Variants in DPY30 observed in about 807,000 individuals in gnomAD.
The protein encoded by DPY30 is protein dpy-30 homolog.
Under a neutral mutation model 16.2 loss-of-function variants are expected in DPY30, and 6 were observed. The observed-to-expected ratio is 0.37, with a 90% confidence interval of 0.20 to 0.73. The LOEUF is 0.73. DPY30 is among the 30% of genes least tolerant of loss of function. DPY30 has a pLI of 0.51. For synonymous variants in DPY30, 39 were observed against 38.8 expected, an observed-to-expected ratio of 1.00 and a Z score of -0.02; for missense variants, 73 against 113.1, an observed-to-expected ratio of 0.65 and a Z score of 1.61.
chr2:32,012,679 C>G (rs1184784951), intron 5 of DPY30, among the ~76,000 whole-genome samples: 1 of 152,012 alleles, frequency 6.6e-6, no homozygotes, highest in African/African-American at 2.4e-5. Flanking sequence ...CTCAGGTGAT[C>G]CACCGGCCTC....
chr2:32,022,346 A>G (rs751983101), downstream of DPY30, among the ~76,000 whole-genome samples: 5 of 152,138 alleles, frequency 3.3e-5, no homozygotes, highest in Non-Finnish European at 1.5e-5. Flanking sequence ...ACTACTATAT[A>G]AGAAGATCCC....
intron 3 of DPY30, among the ~76,000 whole-genome samples, chr2:32,038,135 CTTTTTTTTTT>C (rs35016868): frequency 1.9e-5 from 2 of 108,058 alleles, no homozygotes; most frequent in African/African-American, 6.8e-5. Flanking sequence ...CATTTTCTTT[CTTTTTTTTTT>C]TTTTTTTTTG....
chr2:32,025,180 T>G (rs970803828), intron 4 of DPY30, among the ~76,000 whole-genome samples: 13 of 152,150 alleles, frequency 8.5e-5, no homozygotes, highest in Admixed American at 6.6e-4. Flanking sequence ...AAAAATGTAT[T>G]TGGGGCCAGG....
intron 4 of DPY30, among the ~76,000 whole-genome samples, chr2:32,026,190 G>A (rs1675326782): frequency 6.6e-6 from 1 of 152,128 alleles, no homozygotes; most frequent in Non-Finnish European, 1.5e-5. Flanking sequence ...AGGACTTTGG[G>A]AGTCCAAGGA....
intron 3 of DPY30, among the ~76,000 whole-genome samples, chr2:32,035,251 C>G (rs929272228): frequency 6.6e-6 from 1 of 151,874 alleles, no homozygotes; most frequent in Non-Finnish European, 1.5e-5. Context: ...CCACTGTACC[C>G]CAGCCTGGGT....
At chr2:32,019,516 A>T (rs1184625471), downstream of DPY30, among the ~76,000 whole-genome samples, 5 of 151,918 alleles carry the variant, frequency 3.3e-5, no homozygotes, top group Non-Finnish European at 7.4e-5. Flanking sequence ...GTCTCAAAAA[A>T]ATATATATAT....
chr2:32,033,489 A>G (rs1424074979), intron 3 of DPY30, among the ~76,000 whole-genome samples: 1 of 152,042 alleles, frequency 6.6e-6, no homozygotes, highest in African/African-American at 2.4e-5. Flanking sequence ...CCTGGCCAAC[A>G]TGGAGAAACC....
At chr2:32,037,024 C>T (rs571208706) in intron 3 of DPY30, among the ~76,000 whole-genome samples, 13 of 152,224 alleles carry the variant, frequency 8.5e-5, no homozygotes, top group South Asian at 6.2e-4. Flanking sequence ...AAACAATGTC[C>T]GCCAGAAGAC....
intron 5 of DPY30, among the ~76,000 whole-genome samples, chr2:32,015,503 T>A (rs1675047008): frequency 6.6e-6 from 1 of 152,142 alleles, no homozygotes; most frequent in African/African-American, 2.4e-5. Context: ...ATAGAGCTTT[T>A]TTCCATATTT....
chr2:32,039,553 G>A lies in DPY30; in HGVS notation c.-36-61C>T. 4 of 1,559,476 alleles carry A rather than the reference G, an allele frequency of 2.6e-6. No individual in the cohort carries two copies. In the Admixed American group the frequency reaches 7.0e-5, roughly 27 times the overall value. On this transcript the variant is annotated intron_variant, in intron 1 of 4. Coordinates refer to ENST00000342166, the MANE Select transcript of DPY30 (RefSeq NM_001321209.2). Reference sequence around the variant, plus strand: ...GATTTCAACACGAAGACTCCAGGATGGAGTGCAGCCCAGCCCCCGACCCCG... The same window carrying A: ...GATTTCAACACGAAGACTCCAGGATAGAGTGCAGCCCAGCCCCCGACCCCG...
At chr2:32,016,868 A>T (rs541459135) in intron 5 of DPY30, among the ~76,000 whole-genome samples, 1 of 152,254 alleles carries the variant, frequency 6.6e-6, no homozygotes, top group South Asian at 2.1e-4. Flanking sequence ...TGACACCAAA[A>T]TATAATAGTT....
chr2:32,015,748 G>A (rs752080907), intron 5 of DPY30, among the ~76,000 whole-genome samples: 1 of 151,780 alleles, frequency 6.6e-6, no homozygotes, highest in African/African-American at 2.4e-5. Flanking sequence ...CCAGCTACTC[G>A]GGAGGCTGAG....
At chr2:32,024,306 T>C in intron 4 of DPY30, 50 bp from the exon 5 acceptor site, 1 of 1,339,414 alleles carries the variant, frequency 7.5e-7, no homozygotes, top group Admixed American at 2.0e-5. Context: ...CCTAGGTGTG[T>C]TAATTTAAAC....
At chr2:32,026,855 T>C (rs1181304327) in intron 4 of DPY30, among the ~76,000 whole-genome samples, 1 of 150,976 alleles carries the variant, frequency 6.6e-6, no homozygotes, top group Non-Finnish European at 1.5e-5. Flanking sequence ...AAATTTCTAA[T>C]ATATTAGTCT....
In DPY30 at chr2:32,039,403, T is replaced by C; in HGVS notation, c.36+18A>G. ...CCTCCCTGCACACCGCCACCCTGAA[T>C]CCACGGCCTCCTGATACCTGCGTTT... is the stretch of plus-strand genomic sequence containing the variant. On this transcript the variant is annotated intron_variant, in intron 2 of 4. Coordinates refer to ENST00000342166, the MANE Select transcript of DPY30 (RefSeq NM_001321209.2). 6.2e-7 allele frequency: 1 copy of C among 1,614,042 alleles called. No homozygotes were observed. Among genetic ancestry groups the C allele is most frequent in the Non-Finnish European group, 8.5e-7 (1 of 1,179,996 alleles).
At chr2:32,018,885 A>G (rs188802155) in intron 5 of DPY30, among the ~76,000 whole-genome samples, 13 of 149,206 alleles carry the variant, frequency 8.7e-5, no homozygotes, top group Admixed American at 8.7e-4. Context: ...AATTAGCCAG[A>G]CATGGTGGCA....
chr2:32,032,813 T>G (rs984940574), intron 3 of DPY30, among the ~76,000 whole-genome samples: 3 of 151,948 alleles, frequency 2.0e-5, no homozygotes, highest in African/African-American at 4.8e-5. Context: ...CTGACCAACA[T>G]GGTGAAACCC....
downstream of DPY30, among the ~76,000 whole-genome samples, chr2:32,019,833 A>AG (rs757854327): frequency 7.3e-6 from 1 of 136,708 alleles, no homozygotes; most frequent in African/African-American, 2.8e-5. Flanking sequence ...AAAAAAAAAA[A>AG]AAATATATAT....
chr2:32,023,500 A>G (rs1675229855), downstream of DPY30: 1 of 476,798 alleles, frequency 2.1e-6, no homozygotes. Context: ...AATAATATCT[A>G]CTTTGCAGAG....
Sources: gnomAD v4.1 joint callset for allele counts (sites outside exome capture counted in the v4.1 genomes callset) on GRCh38, gnomAD v4.1.1 for gene constraint, MANE v1.5 for transcripts, NCBI Gene and HGNC (gene_info 2026-07-23, HGNC 2026-07-21) for gene names.